Variants in PCDH7 observed in about 807,000 individuals in gnomAD.
PCDH7 encodes protocadherin-7.
Under a neutral mutation model 58.9 loss-of-function variants are expected in PCDH7, and 17 were observed. The ratio of observed to expected loss-of-function variants is 0.29; its 90% confidence interval spans 0.20 to 0.43. The LOEUF is 0.43. Among genes scored for constraint, PCDH7 ranks in the 20% least tolerant of loss-of-function variants. PCDH7 has a pLI of 1.00. For missense variants in PCDH7, 1,274 were observed against 1,441.0 expected (o/e 0.88, Z 1.88); for synonymous variants, 664 against 616.4 (o/e 1.08, Z -1.14).
chr4:31,017,410 C>A (rs1044290701), intron 3 of PCDH7, among the ~76,000 whole-genome samples: 1 of 152,114 alleles, frequency 6.6e-6, no homozygotes, highest in Non-Finnish European at 1.5e-5. Flanking sequence ...TTCATATATA[C>A]ACTGGTCCCA....
At chr4:30,829,602 T>G (rs930663016) in intron 1 of PCDH7, among the ~76,000 whole-genome samples, 4 of 152,052 alleles carry the variant, frequency 2.6e-5, no homozygotes, top group Non-Finnish European at 4.4e-5. Flanking sequence ...CATGAAGCAA[T>G]TGTCAGTGGT....
chr4:30,756,904 G>T (rs916643894), intron 1 of PCDH7, among the ~76,000 whole-genome samples: 1 of 151,982 alleles, frequency 6.6e-6, no homozygotes, highest in Non-Finnish European at 1.5e-5. Context: ...ACTGTTTTTT[G>T]CTAAGTCTCC....
chr4:30,982,400 T>C (rs1750645121), intron 3 of PCDH7, among the ~76,000 whole-genome samples: 1 of 152,114 alleles, frequency 6.6e-6, no homozygotes. Flanking sequence ...TTACTTCTCT[T>C]CCTCATCCCA....
rs370429425 is a variant in PCDH7 at position 30,805,169 on chromosome 4, G to T, written c.70+80573G>T. Reference sequence around the variant, plus strand: ...TACTCTGGTTCTAATAGATGTCTATGTCTTATAGTGCCCCCAGGATTTTGT... The same window carrying T: ...TACTCTGGTTCTAATAGATGTCTATTTCTTATAGTGCCCCCAGGATTTTGT... On this transcript the variant is annotated intron_variant, in intron 1 of 3. Transcript: ENST00000509759. Among the ~76,000 whole-genome samples, 36 of 152,244 alleles carry T rather than the reference G, an allele frequency of 2.4e-4. No individual in the cohort carries two copies. The South Asian group carries it at 7.5e-3, about 32-fold the overall frequency.
At chr4:30,813,993 G>C (rs1374078353) in intron 1 of PCDH7, among the ~76,000 whole-genome samples, 1 of 152,018 alleles carries the variant, frequency 6.6e-6, no homozygotes, top group Non-Finnish European at 1.5e-5. Context: ...AATATGCCTA[G>C]TTTTATCTGT....
chr4:30,730,804 G>A, exon 2 of PCDH7: 1 of 1,607,494 alleles, frequency 6.2e-7, no homozygotes, highest in South Asian at 1.1e-5. Context: ...ACTCTAATAT[G>A]ATGCTCCATT....
At chr4:30,927,666 G>A (rs532607595) in intron 2 of PCDH7, among the ~76,000 whole-genome samples, 4 of 152,172 alleles carry the variant, frequency 2.6e-5, no homozygotes, top group African/African-American at 7.2e-5. Flanking sequence ...CAGCATGCTC[G>A]TTAAGAGTCA....
chr4:31,084,285 G>A (rs1378436476), intron 3 of PCDH7, among the ~76,000 whole-genome samples: 4 of 152,168 alleles, frequency 2.6e-5, no homozygotes, highest in Non-Finnish European at 2.9e-5. Flanking sequence ...AGAGAAATAT[G>A]TAAAGGTTGG....
At chr4:30,787,219 A>G (rs1168209475) in intron 1 of PCDH7, among the ~76,000 whole-genome samples, 1 of 152,070 alleles carries the variant, frequency 6.6e-6, no homozygotes, top group Non-Finnish European at 1.5e-5. Flanking sequence ...GGAGATTAGT[A>G]TATATGGGAT....
At position 30,756,932 on chromosome 4, in the gene PCDH7, G is replaced by T. The variant is rs113361165; in HGVS notation, c.70+32336G>T. On this transcript the variant is annotated intron_variant, in intron 1 of 3. Coordinates refer to the PCDH7 transcript ENST00000509759. Reference sequence around the variant, plus strand: ...AAGTCTCCTCTGACTGAGAGGCTTGGATCTTTCAGCCTTACTGTGCCACTG... The same window carrying T: ...AAGTCTCCTCTGACTGAGAGGCTTGTATCTTTCAGCCTTACTGTGCCACTG... Among the ~76,000 whole-genome samples the T allele has an allele frequency of 1.2e-4, 19 of 152,270 alleles. 1 individual carries two copies. The highest frequency in any genetic ancestry group is 3.9e-4 in the African/African-American group (16 of 41,552).
At chr4:30,756,854 G>A (rs1719371788) in intron 1 of PCDH7, among the ~76,000 whole-genome samples, 1 of 152,120 alleles carries the variant, frequency 6.6e-6, no homozygotes, top group African/African-American at 2.4e-5. Flanking sequence ...TTGGCTGTGA[G>A]CTCACTACTC....
chr4:30,968,301 TCTATATATATATATACA>T, intron 3 of PCDH7, among the ~76,000 whole-genome samples: 5 of 41,390 alleles, frequency 1.2e-4, no homozygotes, highest in Non-Finnish European at 3.9e-5. Flanking sequence ...TCTCTCTCTC[TCTATATATATATATACA>T]CTATATATAT....
At chr4:31,021,183 C>T (rs1257522080) in intron 3 of PCDH7, among the ~76,000 whole-genome samples, 1 of 152,112 alleles carries the variant, frequency 6.6e-6, no homozygotes, top group African/African-American at 2.4e-5. Flanking sequence ...GGATAAGGGT[C>T]TCCAATGGCA....
chr4:30,753,293 A>T (rs906616260), intron 1 of PCDH7, among the ~76,000 whole-genome samples: 1 of 152,166 alleles, frequency 6.6e-6, no homozygotes, highest in Non-Finnish European at 1.5e-5. Flanking sequence ...AACCTTTACT[A>T]CTTTCTCTGT....
chr4:30,986,764 C>A (rs1025544118), intron 3 of PCDH7, among the ~76,000 whole-genome samples: 12 of 151,978 alleles, frequency 7.9e-5, no homozygotes, highest in African/African-American at 2.9e-4. Flanking sequence ...GGGCGGATCA[C>A]GAAGTCAAGA....
At chr4:30,746,208 A>C (rs1302804723) in intron 1 of PCDH7, among the ~76,000 whole-genome samples, 1 of 152,246 alleles carries the variant, frequency 6.6e-6, no homozygotes, top group East Asian at 1.9e-4. Flanking sequence ...TAGTGGCTGA[A>C]TACTTTAAAA....
At chr4:31,084,086 T>A (rs1711984189) in intron 3 of PCDH7, among the ~76,000 whole-genome samples, 1 of 152,170 alleles carries the variant, frequency 6.6e-6, no homozygotes, top group Non-Finnish European at 1.5e-5. Context: ...ACTTATAAAT[T>A]TGATGTATAG....
chr4:30,943,789 AT>A (rs929511845), intron 2 of PCDH7, among the ~76,000 whole-genome samples: 64 of 150,900 alleles, frequency 4.2e-4, no homozygotes, highest in African/African-American at 1.5e-3. Flanking sequence ...GCCCAAGACA[AT>A]TTTTTTTCCA....
intron 1 of PCDH7, among the ~76,000 whole-genome samples, chr4:30,746,188 G>A (rs1417024914): frequency 2.0e-5 from 3 of 152,130 alleles, no homozygotes; most frequent in African/African-American, 7.2e-5. Context: ...CTCTCACCTC[G>A]AGGAAATAAT....
Sources: allele counts gnomAD v4.1 joint callset (sites outside exome capture counted in the v4.1 genomes callset), GRCh38; gene constraint gnomAD v4.1.1; transcripts MANE v1.5; gene names NCBI Gene and HGNC (gene_info 2026-07-23, HGNC 2026-07-21).